NRXN3: variants seen among roughly 807,000 people sequenced by gnomAD.
The protein encoded by NRXN3 is neurexin 3, also known as neurexin III.
Under a neutral mutation model 137.6 loss-of-function variants are expected in NRXN3, and 32 were observed. The observed-to-expected ratio is 0.23, with a 90% confidence interval of 0.18 to 0.31. NRXN3 has a LOEUF of 0.31. Among genes scored for constraint, NRXN3 ranks in the 10% least tolerant of loss-of-function variants. NRXN3 has a pLI of 1.00. For missense variants in NRXN3, 1,574 were observed against 2,062.5 expected (o/e 0.76, Z 4.59); for synonymous variants, 798 against 784.5 (o/e 1.02, Z -0.29).
chr14:79,687,203 T>C (rs944620599), intron 17 of NRXN3, among the ~76,000 whole-genome samples: 2 of 152,192 alleles, frequency 1.3e-5, no homozygotes, highest in Non-Finnish European at 2.9e-5. Flanking sequence ...AAATACAAGA[T>C]ATTAGTTTTT....
chr14:78,779,981 G>A (rs74064966), intron 8 of NRXN3, among the ~76,000 whole-genome samples: 54 of 151,358 alleles, frequency 3.6e-4, no homozygotes, highest in African/African-American at 1.2e-3. Flanking sequence ...GTATGATCAC[G>A]GGGCCAAAAA....
intron 10 of NRXN3, among the ~76,000 whole-genome samples, chr14:78,944,121 G>C (rs1597715107): frequency 6.6e-6 from 1 of 152,106 alleles, no homozygotes; most frequent in African/African-American, 2.4e-5. Context: ...AACGGAATTT[G>C]CTAATGGAGT....
intron 1 of NRXN3, among the ~76,000 whole-genome samples, chr14:78,175,257 T>C (rs2059150634): frequency 6.6e-6 from 1 of 152,186 alleles, no homozygotes; most frequent in Non-Finnish European, 1.5e-5. Context: ...CTCTCCCTTC[T>C]TGGGGCTGAC....
intron 15 of NRXN3, among the ~76,000 whole-genome samples, chr14:79,106,927 T>C (rs2052553838): frequency 6.6e-6 from 1 of 152,132 alleles, no homozygotes; most frequent in Non-Finnish European, 1.5e-5. Flanking sequence ...TGTCTAAGAC[T>C]TAGTTAACTA....
chr14:79,638,517 C>G (rs945224853), intron 16 of NRXN3, among the ~76,000 whole-genome samples: 2 of 151,966 alleles, frequency 1.3e-5, no homozygotes, highest in African/African-American at 2.4e-5. Flanking sequence ...TTGATAACAC[C>G]GTTTTCAAAT....
At chr14:78,848,701 A>G (rs1054751954) in intron 10 of NRXN3, among the ~76,000 whole-genome samples, 7 of 152,162 alleles carry the variant, frequency 4.6e-5, no homozygotes, top group African/African-American at 1.7e-4. Flanking sequence ...ACTGATAGCA[A>G]CTTAAGTTGT....
At chr14:79,180,778 T>C (rs527872733) in intron 15 of NRXN3, among the ~76,000 whole-genome samples, 1 of 152,228 alleles carries the variant, frequency 6.6e-6, no homozygotes, top group Admixed American at 6.5e-5. Flanking sequence ...TATTTAGCCA[T>C]GTACGGTTTC....
chr14:79,363,958 C>T (rs2093781356), intron 15 of NRXN3, among the ~76,000 whole-genome samples: 1 of 152,132 alleles, frequency 6.6e-6, no homozygotes, highest in Non-Finnish European at 1.5e-5. Flanking sequence ...GACACCTACT[C>T]TTTAGTAGAC....
At chr14:78,438,791 G>A (rs181982975) in intron 4 of NRXN3, among the ~76,000 whole-genome samples, 1 of 152,096 alleles carries the variant, frequency 6.6e-6, no homozygotes, top group Non-Finnish European at 1.5e-5. Flanking sequence ...AGAAGTAGGA[G>A]AACAAGGACA....
chr14:78,643,275 T>A (rs17107998), intron 4 of NRXN3, among the ~76,000 whole-genome samples: 11,136 of 152,282 alleles, frequency 0.073, 503 homozygotes, highest in Middle Eastern at 0.14. Flanking sequence ...TTTGGTTAAT[T>A]AGCCTGGAGT....
At chr14:79,775,889 A>ACC in intron 19 of NRXN3, among the ~76,000 whole-genome samples, 1 of 152,238 alleles carries the variant, frequency 6.6e-6, no homozygotes, top group Non-Finnish European at 1.5e-5. Context: ...GGTAAGGATC[A>ACC]AACAATACCC....
At chr14:78,216,464 G>A (rs575459230) in intron 1 of NRXN3, among the ~76,000 whole-genome samples, 1 of 152,160 alleles carries the variant, frequency 6.6e-6, no homozygotes, top group South Asian at 2.1e-4. Flanking sequence ...TTCCCATCTT[G>A]TTCTACCACT....
chr14:78,900,305 C>T (rs536406429), intron 10 of NRXN3, among the ~76,000 whole-genome samples: 1 of 152,020 alleles, frequency 6.6e-6, no homozygotes, highest in South Asian at 2.1e-4. Context: ...TTTGAAGCCC[C>T]TGGGAATTTG....
chr14:78,714,953 A>G lies in NRXN3; in HGVS notation c.1858A>G (p.Ser620Gly). The change falls in exon 8 of 21, where the codon AGC becomes GGC. Residue 620 changes from serine (S) to glycine (G), a missense_variant. By Grantham distance (56) the Ser-to-Gly change is moderately conservative. Coordinates refer to ENST00000335750, the MANE Select transcript of NRXN3 (RefSeq NM_001330195.2). ...CIRDLFIDGR[S>G]KNIRQLAEMQ... ...CCGCGACCTATTCATTGATGGGCGC[A>G]GCAAGAACATTCGACAGCTGGCAGA... 1 of 1,614,204 alleles carries G rather than the reference A, an allele frequency of 6.2e-7. No individual in the cohort carries two copies. The highest frequency in any genetic ancestry group is 8.5e-7 in the Non-Finnish European group (1 of 1,180,034).
intron 15 of NRXN3, among the ~76,000 whole-genome samples, chr14:79,387,352 A>G (rs1424266914): frequency 2.0e-5 from 3 of 152,200 alleles, no homozygotes; most frequent in African/African-American, 7.2e-5. Context: ...ACATGAAAAA[A>G]TGCTCATCAT....
intron 4 of NRXN3, among the ~76,000 whole-genome samples, chr14:78,546,199 C>T (rs1482425580): frequency 6.6e-6 from 1 of 152,090 alleles, no homozygotes; most frequent in Non-Finnish European, 1.5e-5. Flanking sequence ...ATGAGCACAC[C>T]CTTTTCACAC....
At position 79,154,534 on chromosome 14, in the gene NRXN3, C is replaced by T. The variant is rs1385996648; in HGVS notation, c.3262+166393C>T. ...ATTTTGCCTCAAGCCCCATCATTCC[C>T]TGTTTTATTATGGTAAGCTTATTCA... On this transcript the variant is annotated intron_variant, in intron 15 of 20. Coordinates refer to ENST00000335750, the MANE Select transcript of NRXN3 (RefSeq NM_001330195.2). Among the ~76,000 whole-genome samples, 5 of 151,808 alleles carry T rather than the reference C, an allele frequency of 3.3e-5. No individual in the cohort carries two copies. In the East Asian group the frequency reaches 9.7e-4, roughly 30 times the overall value.
chr14:79,691,174 T>C (rs2098715069), intron 17 of NRXN3, among the ~76,000 whole-genome samples: 1 of 152,066 alleles, frequency 6.6e-6, no homozygotes, highest in Non-Finnish European at 1.5e-5. Flanking sequence ...ATGGAAACCA[T>C]TCAGCAGTGT....
intron 15 of NRXN3, among the ~76,000 whole-genome samples, chr14:79,286,573 G>C (rs2082298223): frequency 6.8e-6 from 1 of 146,658 alleles, no homozygotes; most frequent in Non-Finnish European, 1.5e-5. Context: ...GTATATATAA[G>C]TTCTGGTTGT....
Sources: allele counts gnomAD v4.1 joint callset (sites outside exome capture counted in the v4.1 genomes callset), GRCh38; gene constraint gnomAD v4.1.1; transcripts MANE v1.5; gene names NCBI Gene and HGNC (gene_info 2026-07-23, HGNC 2026-07-21).